RBFOX1: variants seen among roughly 807,000 people sequenced by gnomAD.
RBFOX1 encodes the protein RNA binding protein fox-1 homolog 1.
RBFOX1 carries 8 observed loss-of-function variants against 57.7 expected under a neutral mutation model. The ratio of observed to expected loss-of-function variants is 0.14; its 90% CI spans 0.08 to 0.25. The LOEUF (loss-of-function observed/expected upper bound fraction) is 0.25. RBFOX1 is among the 10% of genes least tolerant of loss of function. The pLI is 1.00. For synonymous variants in RBFOX1, 326 were observed against 222.4 expected (o/e 1.47, Z -4.15); for missense variants, 611 against 548.5 (o/e 1.11, Z -1.14).
chr16:7,349,018 C>A (rs952788331), intron 4 of RBFOX1, among the ~76,000 whole-genome samples: 2 of 152,256 alleles, frequency 1.3e-5, no homozygotes, highest in Admixed American at 1.3e-4. Flanking sequence ...CTTCTGCTTT[C>A]AGATTTTCTT....
At chr16:6,231,704 T>C (rs2097461802) in intron 1 of RBFOX1, among the ~76,000 whole-genome samples, 1 of 152,228 alleles carries the variant, frequency 6.6e-6, no homozygotes, top group African/African-American at 2.4e-5. Context: ...ATGTCTGCCC[T>C]GGACTTGGAA....
chr16:6,095,439 A>C (rs543870827), intron 1 of RBFOX1, among the ~76,000 whole-genome samples: 1 of 152,152 alleles, frequency 6.6e-6, no homozygotes, highest in African/African-American at 2.4e-5. Context: ...CCCTTGGGGG[A>C]TGGCCTTGCA....
chr16:6,415,418 G>C (rs977912539), intron 2 of RBFOX1, among the ~76,000 whole-genome samples: 1 of 151,850 alleles, frequency 6.6e-6, no homozygotes, highest in African/African-American at 2.4e-5. Context: ...AGTCTGGGCC[G>C]GGCGTGGTGG....
At chr16:5,845,588 A>C (rs527487742) in intron 3 of RBFOX1, among the ~76,000 whole-genome samples, 6 of 152,168 alleles carry the variant, frequency 3.9e-5, no homozygotes, top group African/African-American at 1.4e-4. Flanking sequence ...AGCTTCTTCA[A>C]ATTTCACTGT....
rs76377370 is a variant in RBFOX1, at chr16:6,323,713, A to C, written c.-64+6656A>C. Among the ~76,000 whole-genome samples the C allele has an allele frequency of 9.7e-3, 1,474 of 152,130 alleles. 79 individuals carry two copies. In the East Asian group the frequency reaches 0.11, roughly 12 times the overall value. On this transcript the variant is annotated intron_variant, in intron 2 of 15. Coordinates refer to ENST00000550418, the MANE Select transcript of RBFOX1 (RefSeq NM_018723.4). ...GTTTATTAATTTTTCAATTTGCATA[A>C]ATTTAGAGGTTGCAAGTACAGTTTC...
intron 1 of RBFOX1, among the ~76,000 whole-genome samples, chr16:5,339,525 C>T (rs1346078588): frequency 9.1e-6 from 1 of 109,950 alleles, no homozygotes; most frequent in African/African-American, 3.4e-5. Context: ...CTGGGTCACT[C>T]AGGCCGGAAT....
chr16:5,858,443 C>A (rs1471753334), intron 3 of RBFOX1, among the ~76,000 whole-genome samples: 2 of 152,190 alleles, frequency 1.3e-5, no homozygotes, highest in African/African-American at 4.8e-5. Flanking sequence ...ACTTCAAGGG[C>A]AAACCAAGGA....
At chr16:6,641,455 C>G (rs1223074351) in intron 2 of RBFOX1, among the ~76,000 whole-genome samples, 1 of 152,094 alleles carries the variant, frequency 6.6e-6, no homozygotes, top group African/African-American at 2.4e-5. Flanking sequence ...TGCCCTGACG[C>G]CGGGCACGGT....
chr16:7,394,480 A>G (rs2098108116), intron 4 of RBFOX1, among the ~76,000 whole-genome samples: 2 of 152,212 alleles, frequency 1.3e-5, no homozygotes, highest in South Asian at 2.1e-4. Flanking sequence ...GAAAGGGTTG[A>G]CACAAGAGTC....
At chr16:6,220,796 C>G (rs1003273635) in intron 1 of RBFOX1, among the ~76,000 whole-genome samples, 3 of 151,624 alleles carry the variant, frequency 2.0e-5, no homozygotes, top group African/African-American at 7.3e-5. Context: ...ATTTGTGGTG[C>G]CTTTCTTCCA....
chr16:5,719,405 T>A (rs1413288337), intron 3 of RBFOX1, among the ~76,000 whole-genome samples: 2 of 150,986 alleles, frequency 1.3e-5, no homozygotes, highest in East Asian at 3.9e-4. Flanking sequence ...AGACACGGGG[T>A]TTCACCATGT....
At chr16:6,722,519 G>C (rs964936382) in intron 3 of RBFOX1, among the ~76,000 whole-genome samples, 48 of 18,218 alleles carry the variant, frequency 2.6e-3, no homozygotes, top group African/African-American at 2.8e-3. Context: ...TAAATACTTG[G>C]CATTTTGCCA....
chr16:6,174,343 T>TG (rs1161588664), intron 1 of RBFOX1, among the ~76,000 whole-genome samples: 1 of 152,122 alleles, frequency 6.6e-6, no homozygotes, highest in African/African-American at 2.4e-5. Context: ...GCCTGTCATC[T>TG]GAACACTTTG....
At chr16:5,282,880 A>C (rs2063306012) in intron 1 of RBFOX1, among the ~76,000 whole-genome samples, 1 of 152,224 alleles carries the variant, frequency 6.6e-6, no homozygotes, top group African/African-American at 2.4e-5. Context: ...TGAGGAGCCA[A>C]GTGTGAATCC....
chr16:6,554,864 T>C (rs964328518), intron 2 of RBFOX1, among the ~76,000 whole-genome samples: 1 of 147,904 alleles, frequency 6.8e-6, no homozygotes, highest in African/African-American at 2.7e-5. Flanking sequence ...TCTGTCGCTC[T>C]CTCTCTCACT....
intron 4 of RBFOX1, among the ~76,000 whole-genome samples, chr16:7,154,894 G>C (rs535575387): frequency 3.9e-5 from 6 of 152,138 alleles, no homozygotes; most frequent in African/African-American, 1.4e-4. Context: ...AGGAAACTAG[G>C]ATTACAGAGT....
chr16:7,336,941 A>T (rs2096799145), intron 4 of RBFOX1, among the ~76,000 whole-genome samples: 2 of 152,170 alleles, frequency 1.3e-5, no homozygotes, highest in Admixed American at 1.3e-4. Context: ...AGGAATATTT[A>T]TGTGTTTGAT....
At chr16:7,119,642 G>C (rs1210729232) in intron 4 of RBFOX1, among the ~76,000 whole-genome samples, 1 of 151,588 alleles carries the variant, frequency 6.6e-6, no homozygotes, top group African/African-American at 2.4e-5. Flanking sequence ...AGAGGGCCAA[G>C]TCACCAAAAA....
chr16:6,718,142 C>T (rs187524470), intron 3 of RBFOX1, among the ~76,000 whole-genome samples: 31 of 152,302 alleles, frequency 2.0e-4, no homozygotes, highest in African/African-American at 7.0e-4. Context: ...TCACTGAGTT[C>T]CTTGCAAAGA....
Sources: allele counts gnomAD v4.1 joint callset (sites outside exome capture counted in the v4.1 genomes callset), GRCh38; gene constraint gnomAD v4.1.1; transcripts MANE v1.5; gene names NCBI Gene and HGNC (gene_info 2026-07-23, HGNC 2026-07-21).